The following SLCO3A1 variants were observed in gnomAD, a reference collection of about 807,000 sequenced individuals.
The protein encoded by SLCO3A1 is PGE1 transporter.
A neutral mutation model predicts 63.1 loss-of-function variants in SLCO3A1; 27 were observed. That is an observed-to-expected ratio of 0.43 (90% confidence interval 0.32 to 0.59). The LOEUF is 0.59. Ranked by LOEUF, SLCO3A1 falls within the 20% of genes least tolerant of loss-of-function variation. The pLI is 0.09. For synonymous variants in SLCO3A1, 473 were observed against 409.9 expected, an observed-to-expected ratio of 1.15 and a Z score of -1.86; for missense variants, 773 against 945.8, an observed-to-expected ratio of 0.82 and a Z score of 2.40.
intron 2 of SLCO3A1, among the ~76,000 whole-genome samples, chr15:92,007,598 G>A (rs1186089539): frequency 6.6e-6 from 1 of 152,194 alleles, no homozygotes; most frequent in Non-Finnish European, 1.5e-5. Flanking sequence ...GAAGGGAGGA[G>A]CAAGGGAAGT....
At chr15:92,166,751 A>G (rs1386009503), downstream of SLCO3A1, among the ~76,000 whole-genome samples, 1 of 152,222 alleles carries the variant, frequency 6.6e-6, no homozygotes, top group African/African-American at 2.4e-5. Context: ...TCACTGAGGA[A>G]CATTTAAAAT....
rs528269525 is a variant in SLCO3A1 at position 92,110,729 on chromosome 15, G to C, written c.1009+6187G>C. Among the ~76,000 whole-genome samples the C allele has an allele frequency of 5.3e-5, 8 of 152,336 alleles. No homozygotes were observed. In the South Asian group the frequency reaches 1.7e-3, roughly 32 times the overall value. Reference sequence around the variant, plus strand: ...ACGCTTCATGAAGGCAGGGACTGCAGTTGTTTTTTCTCATGTCCTGGTACA... The same window carrying C: ...ACGCTTCATGAAGGCAGGGACTGCACTTGTTTTTTCTCATGTCCTGGTACA... On this transcript the variant is annotated intron_variant, in intron 4 of 9. Coordinates refer to ENST00000318445, the MANE Select transcript of SLCO3A1 (RefSeq NM_013272.4).
chr15:91,856,372 C>T lies in SLCO3A1; in HGVS notation c.180+2284C>T, dbSNP rs1391434617. On this transcript the variant is annotated intron_variant, in intron 1 of 9. Transcript: ENST00000318445. This position sits in a 1 kb window ranked among gnomAD's most constrained non-coding sequence, Gnocchi z 4.9. ...CTTTGCCCGGCTGCCCTCGTCTTTG[C>T]CTTGCCATCGGAGCCTCATGAAAAT... 6.6e-6 allele frequency among the ~76,000 whole-genome samples: 1 copy of T among 152,112 alleles called. No homozygotes were observed. Among genetic ancestry groups the T allele is most frequent in the African/African-American group, 2.4e-5 (1 of 41,428 alleles).
intron 4 of SLCO3A1, among the ~76,000 whole-genome samples, chr15:92,117,308 A>G (rs947131981): frequency 1.3e-5 from 2 of 152,228 alleles, no homozygotes; most frequent in African/African-American, 4.8e-5. Flanking sequence ...TGCTGGAGGT[A>G]TCAGCCTCAG....
intron 5 of SLCO3A1, among the ~76,000 whole-genome samples, chr15:92,123,564 A>G (rs2047888315): frequency 1.3e-5 from 2 of 152,118 alleles, no homozygotes; most frequent in South Asian, 2.1e-4. Flanking sequence ...CACTTGGTCA[A>G]TTTTACCTCC....
rs1398219906 is a variant in SLCO3A1, at chr15:91,872,184, A to C, written c.180+18096A>C. On this transcript the variant is annotated intron_variant, in intron 1 of 9. Transcript: ENST00000318445. The surrounding 1 kb of genome is among the most constrained non-coding windows in gnomAD (Gnocchi z 4.1). ...AACTCTCACACAAATCCCATGCAGT[A>C]GATGTCATTATTTCTCTTTTCCGTA... Among the ~76,000 whole-genome samples the C allele has an allele frequency of 1.3e-5, 2 of 152,168 alleles. No individual in the cohort carries two copies. The highest frequency in any genetic ancestry group is 6.5e-5 in the Admixed American group (1 of 15,280).
chr15:92,052,991 G>T (rs1324707385), intron 2 of SLCO3A1, among the ~76,000 whole-genome samples: 2 of 152,096 alleles, frequency 1.3e-5, no homozygotes, highest in Admixed American at 1.3e-4. Context: ...GGACAGTGCG[G>T]CTCTAGAACT....
At chr15:92,150,659 G>A (rs988002890) in intron 8 of SLCO3A1, among the ~76,000 whole-genome samples, 1 of 151,740 alleles carries the variant, frequency 6.6e-6, no homozygotes, top group African/African-American at 2.4e-5. Context: ...GTCTTTAAAC[G>A]CAGGTTTTAT....
chr15:91,940,798 G>A (rs774811612), intron 2 of SLCO3A1, among the ~76,000 whole-genome samples: 1 of 152,214 alleles, frequency 6.6e-6, no homozygotes, highest in Non-Finnish European at 1.5e-5. Context: ...ATGTGAGTGA[G>A]TGAGTGGTGA....
In SLCO3A1 at chr15:91,854,305, G is replaced by A; in HGVS notation, c.180+217G>A. On this transcript the variant is annotated intron_variant, in intron 1 of 9. Transcript: ENST00000318445. This position sits in a 1 kb window ranked among gnomAD's most constrained non-coding sequence, Gnocchi z 6.4. ...GCGGGCGGGACCGTTGATGCCGGTAGCAGCTCGCGCGCGTCCGGCTGGGGC... is the reference window on the plus strand; with the variant it reads ...GCGGGCGGGACCGTTGATGCCGGTAACAGCTCGCGCGCGTCCGGCTGGGGC... 8.7e-7 allele frequency: 1 copy of A among 1,151,534 alleles called. No homozygotes were observed. Among genetic ancestry groups the A allele is most frequent in the Non-Finnish European group, 1.1e-6 (1 of 935,892 alleles). 71.3% of individuals were successfully genotyped at this position (1,151,534 alleles called of 1,614,324 possible). A position where few individuals can be genotyped will look rare whatever the true frequency, so the allele number is the denominator to read the frequency against.
At chr15:91,955,492 C>T (rs571401826) in intron 2 of SLCO3A1, among the ~76,000 whole-genome samples, 1 of 152,286 alleles carries the variant, frequency 6.6e-6, no homozygotes, top group South Asian at 2.1e-4. Flanking sequence ...GCCGCCCCAC[C>T]CGGCCAAGTT....
Position 92,164,992 on chromosome 15 carries a change from G to A in SLCO3A1, c.*1857G>A, listed in dbSNP as rs368682595. 14 of 985,294 alleles carry A rather than the reference G, an allele frequency of 1.4e-5. No homozygotes were observed. The highest frequency in any genetic ancestry group is 1.7e-5 in the Non-Finnish European group (14 of 829,896). The allele number at this position is 985,294 out of a possible 1,614,324, so 61.0% of individuals were successfully genotyped here. A position where few individuals can be genotyped will look rare whatever the true frequency, so the allele number is the denominator to read the frequency against. ...GTTGATTGGTTTGCTTTTTCACCTT[G>A]GACACATTTGCATTTTACCCACAAG... On this transcript the variant is annotated 3_prime_UTR_variant, in exon 10 of 10. Transcript: ENST00000318445.
chr15:91,938,198 A>G (rs2151396314), intron 2 of SLCO3A1, among the ~76,000 whole-genome samples: 1 of 152,334 alleles, frequency 6.6e-6, no homozygotes, highest in Admixed American at 6.5e-5. Context: ...GCTCATGATT[A>G]AAATGGGGTA....
chr15:92,121,428 CT>C (rs1018831071), intron 5 of SLCO3A1, among the ~76,000 whole-genome samples: 15 of 152,238 alleles, frequency 9.9e-5, no homozygotes, highest in Admixed American at 3.9e-4. Flanking sequence ...GCTTGGAGAG[CT>C]TGTGGTACCA....
intron 2 of SLCO3A1, among the ~76,000 whole-genome samples, chr15:92,007,189 G>C (rs1412956637): frequency 6.6e-6 from 1 of 152,164 alleles, no homozygotes; most frequent in Non-Finnish European, 1.5e-5. Flanking sequence ...TTTCATGGTA[G>C]GTGCTGCTAA....
At chr15:91,953,929 G>T (rs1352972094) in intron 2 of SLCO3A1, among the ~76,000 whole-genome samples, 2 of 152,194 alleles carry the variant, frequency 1.3e-5, no homozygotes, top group African/African-American at 4.8e-5. Context: ...ACAGTGAATG[G>T]TTCTCAGACT....
intron 1 of SLCO3A1, among the ~76,000 whole-genome samples, chr15:91,888,868 G>T (rs1897794497): frequency 6.6e-6 from 1 of 152,092 alleles, no homozygotes; most frequent in African/African-American, 2.4e-5. Flanking sequence ...AATTAGCTGG[G>T]CAATGTGGCA....
intron 2 of SLCO3A1, among the ~76,000 whole-genome samples, chr15:91,986,763 A>T (rs1730218398): frequency 6.6e-6 from 1 of 152,296 alleles, no homozygotes; most frequent in African/African-American, 2.4e-5. Flanking sequence ...TAGCTATTTA[A>T]TATGAACTGT....
At chr15:92,152,251 G>T (rs1421464501) in intron 9 of SLCO3A1, among the ~76,000 whole-genome samples, 1 of 152,160 alleles carries the variant, frequency 6.6e-6, no homozygotes, top group Non-Finnish European at 1.5e-5. Flanking sequence ...GATCCATTAA[G>T]GTCCTCCCTG....
Sources: gnomAD v4.1 joint callset for allele counts (sites outside exome capture counted in the v4.1 genomes callset) on GRCh38, gnomAD v4.1.1 for gene constraint, Gnocchi (gnomAD v3.1) non-coding constraint, MANE v1.5 for transcripts, NCBI Gene and HGNC (gene_info 2026-07-23, HGNC 2026-07-21) for gene names.